The following DPP6 variants were observed in gnomAD, a reference collection of about 807,000 sequenced individuals.
DPP6 encodes the protein dipeptidyl peptidase like 6.
A neutral mutation model predicts 122.6 loss-of-function variants in DPP6; 69 were observed. The observed-to-expected ratio is 0.56, with a 90% CI of 0.46 to 0.69. DPP6 has a LOEUF of 0.69. DPP6 is among the 30% of genes least tolerant of loss of function. The probability of loss-of-function intolerance (pLI) is 0.00; values close to 1 mark genes in which losing one functional copy is unlikely to be tolerated. For synonymous variants in DPP6, 418 were observed against 433.1 expected (o/e 0.97, Z 0.43); for missense variants, 928 against 1,116.9 (o/e 0.83, Z 2.41).
At chr7:154,769,692 A>G in intron 9 of DPP6, 121 bp downstream of exon 9, 1 of 1,286,336 alleles carries the variant, frequency 7.8e-7, no homozygotes, top group Non-Finnish European at 1.0e-6. Context: ...TTAACACAAG[A>G]AAGACTAATC....
chr7:153,891,754 G>A (rs1173936381), intron 1 of DPP6, among the ~76,000 whole-genome samples: 1 of 152,178 alleles, frequency 6.6e-6, no homozygotes, highest in Non-Finnish European at 1.5e-5. Flanking sequence ...TAAACATCTT[G>A]GGGACTGTCC....
intron 21 of DPP6, 167 bp downstream of exon 21, chr7:154,881,109 T>G: frequency 8.7e-7 from 1 of 1,147,908 alleles, no homozygotes; most frequent in Non-Finnish European, 1.1e-6. Flanking sequence ...GTGGGAGGTT[T>G]CATTTGATCA....
chr7:154,476,396 T>A (rs1046430791), intron 3 of DPP6, among the ~76,000 whole-genome samples: 2 of 152,230 alleles, frequency 1.3e-5, no homozygotes, highest in African/African-American at 4.8e-5. Flanking sequence ...TTCGTGTTCG[T>A]GTTCACTGTA....
At chr7:153,804,172 C>T in the DPP6 span, among the ~76,000 whole-genome samples, 1 of 151,892 alleles carries the variant, frequency 6.6e-6, no homozygotes, top group Non-Finnish European at 1.5e-5. Context: ...GCCTCAGCCT[C>T]GTGAGTAGCT....
chr7:154,156,483 G>C (rs896290709), intron 1 of DPP6, among the ~76,000 whole-genome samples: 1 of 152,214 alleles, frequency 6.6e-6, no homozygotes, highest in African/African-American at 2.4e-5. Context: ...TGAGACTAGA[G>C]GGACCATTAA....
At chr7:154,819,481 A>G (rs1388718117) in intron 16 of DPP6, among the ~76,000 whole-genome samples, 3 of 152,168 alleles carry the variant, frequency 2.0e-5, no homozygotes, top group African/African-American at 4.8e-5. Context: ...GAATGTGTCC[A>G]TTCCTTTTAT....
chr7:153,936,104 G>A (rs1003571920), intron 1 of DPP6, among the ~76,000 whole-genome samples: 5 of 152,154 alleles, frequency 3.3e-5, no homozygotes, highest in Admixed American at 6.5e-5. Flanking sequence ...TGTCTGTACC[G>A]GCATCTGCGC....
At chr7:153,812,539 A>G in the DPP6 span, among the ~76,000 whole-genome samples, 1 of 152,108 alleles carries the variant, frequency 6.6e-6, no homozygotes, top group African/African-American at 2.4e-5. Context: ...GTGGTGATTT[A>G]GTCAACATGT....
chr7:154,468,092 T>A (rs1425997110), intron 2 of DPP6, among the ~76,000 whole-genome samples: 1 of 152,240 alleles, frequency 6.6e-6, no homozygotes, highest in Non-Finnish European at 1.5e-5. Context: ...ATGCTCAACA[T>A]CATTAGCTTG....
chr7:154,063,600 GTGA>G (rs1359190779), intron 1 of DPP6, among the ~76,000 whole-genome samples: 1 of 104,034 alleles, frequency 9.6e-6, no homozygotes, highest in African/African-American at 4.1e-5. Flanking sequence ...CCCCATCGCA[GTGA>G]GGGAGGCACC....
chr7:154,802,503 T>C (rs1051432988), intron 13 of DPP6, among the ~76,000 whole-genome samples: 2 of 152,224 alleles, frequency 1.3e-5, no homozygotes, highest in African/African-American at 2.4e-5. Flanking sequence ...TGCTTTTTCC[T>C]GCGGTCTTCA....
chr7:153,827,771 G>A, the DPP6 span, among the ~76,000 whole-genome samples: 2 of 152,138 alleles, frequency 1.3e-5, no homozygotes, highest in Non-Finnish European at 2.9e-5. Flanking sequence ...GATGGCATCA[G>A]AGGAGGCCAA....
intron 1 of DPP6, among the ~76,000 whole-genome samples, chr7:154,079,491 G>A (rs1042756118): frequency 1.3e-5 from 2 of 152,320 alleles, no homozygotes; most frequent in African/African-American, 4.8e-5. Context: ...ATGGTCAAAC[G>A]AGAGGCAAGG....
chr7:154,676,577 C>A (rs1427635012), intron 7 of DPP6, among the ~76,000 whole-genome samples: 1 of 152,268 alleles, frequency 6.6e-6, no homozygotes, highest in Non-Finnish European at 1.5e-5. Flanking sequence ...TGTACCCACA[C>A]CCTGCACCGG....
chr7:154,826,025 C>T lies in DPP6; in HGVS notation c.1666+18913C>T, dbSNP rs568377722. ...TCCTAGTGAGTAACTGCAGAGGAAT[C>T]AGTCCAGAAGGGAATTACTTCACCC... is the stretch of plus-strand genomic sequence containing the variant. On this transcript the variant is annotated intron_variant, in intron 16 of 25. Transcript: ENST00000377770. Among the ~76,000 whole-genome samples the T allele has an allele frequency of 2.0e-5, 3 of 152,320 alleles. No homozygotes were observed. The East Asian group carries it at 5.8e-4, about 29-fold the overall frequency.
intron 1 of DPP6, among the ~76,000 whole-genome samples, chr7:154,202,402 A>C (rs570267445): frequency 7.9e-5 from 12 of 152,306 alleles, no homozygotes; most frequent in Admixed American, 2.0e-4. Flanking sequence ...TGCCGAACAC[A>C]TTCATACATT....
chr7:154,265,732 TTATTA>T (rs1803377644), intron 1 of DPP6, among the ~76,000 whole-genome samples: 1 of 152,076 alleles, frequency 6.6e-6, no homozygotes, highest in Admixed American at 6.6e-5. Context: ...GAAAAATATT[TTATTA>T]TATTGTAGTA....
intron 1 of DPP6, among the ~76,000 whole-genome samples, chr7:154,280,328 C>A (rs1314405989): frequency 1.3e-5 from 2 of 152,166 alleles, no homozygotes; most frequent in African/African-American, 4.8e-5. Context: ...CAAGAAACTC[C>A]TCTCTTAGAA....
Position 153,923,634 on chromosome 7 carries a change from A to G in DPP6, c.51+35900A>G, listed in dbSNP as rs922945188. Among the ~76,000 whole-genome samples the G allele has an allele frequency of 9.9e-5, 15 of 151,758 alleles. 1 individual carries two copies. Among genetic ancestry groups the G allele is most frequent in the Non-Finnish European group, 1.0e-4 (7 of 67,938 alleles). ...AAATTAGCCGGGCATGGTGGCGGGCACCTGTAGTCCCAGCTACTTGGGAGG... is the reference window on the plus strand; with the variant it reads ...AAATTAGCCGGGCATGGTGGCGGGCGCCTGTAGTCCCAGCTACTTGGGAGG... On this transcript the variant is annotated intron_variant, in intron 1 of 25. Coordinates refer to the DPP6 transcript ENST00000404039.
Sources: allele counts gnomAD v4.1 joint callset (sites outside exome capture counted in the v4.1 genomes callset), GRCh38; gene constraint gnomAD v4.1.1; transcripts MANE v1.5; gene names NCBI Gene and HGNC (gene_info 2026-07-23, HGNC 2026-07-21).